Variants in ATP6V1B1 observed in about 807,000 individuals in gnomAD.
ATP6V1B1 encodes ATPase H+ transporting V1 subunit B1.
ATP6V1B1 carries 41 observed loss-of-function variants against 62.1 expected under a neutral mutation model. That is an observed-to-expected ratio of 0.66 (90% CI 0.51 to 0.86). The LOEUF (loss-of-function observed/expected upper bound fraction) is 0.86. Ranked by LOEUF, ATP6V1B1 falls within the 40% of genes least tolerant of loss-of-function variation. The pLI, the probability that ATP6V1B1 is intolerant of heterozygous loss-of-function variation, is 0.00. For synonymous variants in ATP6V1B1, 253 were observed against 273.4 expected, an observed-to-expected ratio of 0.93 and a Z score of 0.74; for missense variants, 651 against 697.5, an observed-to-expected ratio of 0.93 and a Z score of 0.75.
At position 70,945,699 on chromosome 2, in the gene ATP6V1B1, GAGATATATATAT is replaced by G. The variant is rs1267084378; in HGVS notation, c.174+1988_174+1999del. On this transcript the variant is annotated intron_variant, in intron 2 of 13. Transcript: ENST00000234396. ...AGTATCCTCTTTCTGGCTATTTGAA[GAGATATATATAT>G]ATATATATATATATATATATATATA... 7.3e-3 allele frequency among the ~76,000 whole-genome samples: 515 copies of G among 70,110 alleles called. 23 individuals carry two copies. In the East Asian group the frequency reaches 0.078, roughly 11 times the overall value. 46.0% of individuals were successfully genotyped at this position (70,110 alleles called of 152,430 possible). A position where few individuals can be genotyped will look rare whatever the true frequency, so the allele number is the denominator to read the frequency against.
At chr2:70,936,449 A>G in intron 1 of ATP6V1B1, among the ~76,000 whole-genome samples, 1 of 152,016 alleles carries the variant, frequency 6.6e-6, no homozygotes, top group East Asian at 1.9e-4. Context: ...AAGCACTCAG[A>G]GTCAGGCGGG....
chr2:70,936,441 GCACT>G (rs1553415408), intron 1 of ATP6V1B1, among the ~76,000 whole-genome samples: 3 of 152,114 alleles, frequency 2.0e-5, no homozygotes, highest in East Asian at 1.9e-4. Flanking sequence ...GTGCACCCAA[GCACT>G]CAGAGTCAGG....
chr2:70,965,101 G>T lies in ATP6V1B1; in HGVS notation c.1522G>T (p.Ala508Ser). 6.2e-7 allele frequency: 1 copy of T among 1,611,584 alleles called. No individual in the cohort carries two copies. ...CCGCGAGGGGGCGCTGCAGGACCTCGCGCCTGACACTGCGCTCTAGCCCCG... is the reference window on the plus strand; with the variant it reads ...CCGCGAGGGGGCGCTGCAGGACCTCTCGCCTGACACTGCGCTCTAGCCCCG... ...YSREGALQDLAPDTAL is the reference protein window; with the variant it reads ...YSREGALQDLSPDTAL The change falls in exon 14 of 14, where the codon GCG (alanine) becomes TCG (serine). Residue 508 changes from alanine to serine, a missense_variant. By Grantham distance (99) the Ala-to-Ser change is moderately conservative. Coordinates refer to ENST00000234396, the MANE Select transcript of ATP6V1B1 (RefSeq NM_001692.4).
chr2:70,961,736 C>T (rs1291551442), intron 8 of ATP6V1B1, 43 bp downstream of exon 8: 2 of 1,575,094 alleles, frequency 1.3e-6, no homozygotes, highest in Non-Finnish European at 1.7e-6. Context: ...GGTGGGCAGA[C>T]CCCGTCCCCT....
At position 70,963,051 on chromosome 2, in the gene ATP6V1B1, C is replaced by A; in HGVS notation, c.910-111C>A. The A allele has an allele frequency of 6.3e-7, 1 of 1,599,166 alleles. No individual in the cohort carries two copies. Among genetic ancestry groups the A allele is most frequent in the Middle Eastern group, 1.7e-4 (1 of 6,028 alleles). On this transcript the variant is annotated intron_variant, in intron 9 of 13. Transcript: ENST00000234396. This position sits in a 1 kb window ranked among gnomAD's most constrained non-coding sequence, Gnocchi z 4.3. ...AGGGCTTGGTCTCAGCCTGGCCATT[C>A]CTCCCCTGCCCCCCACTCCATTTCT...
At chr2:70,956,770 T>C (rs1680443570) in intron 2 of ATP6V1B1, among the ~76,000 whole-genome samples, 1 of 152,022 alleles carries the variant, frequency 6.6e-6, no homozygotes, top group African/African-American at 2.4e-5. Context: ...TTTGTATTTT[T>C]GTAGAGACAG....
chr2:70,945,699 GAGATATATATATATAT>G (rs1322475157), intron 2 of ATP6V1B1, among the ~76,000 whole-genome samples: 1,909 of 70,110 alleles, frequency 0.027, 106 homozygotes, highest in African/African-American at 0.084. Context: ...GCTATTTGAA[GAGATATATATATATAT>G]ATATATATAT....
chr2:70,958,286 C>G (rs1553419414), intron 3 of ATP6V1B1, 47 bp from the exon 4 acceptor site: 1 of 1,606,230 alleles, frequency 6.2e-7, no homozygotes, highest in South Asian at 1.1e-5. Context: ...TAGCCCCATT[C>G]CCTCCAGCAG....
chr2:70,946,458 G>A (rs1680177017), intron 2 of ATP6V1B1, among the ~76,000 whole-genome samples: 1 of 152,152 alleles, frequency 6.6e-6, no homozygotes. Context: ...AAATTCTTGG[G>A]CTCCACCTCA....
chr2:70,963,383 G>A lies in ATP6V1B1; in HGVS notation c.1060+71G>A. ...CCTTTTCCAACCAGATACTTAAAGG[G>A]CCCACGTTGCTTTGCACAGATGTGC... On this transcript the variant is annotated intron_variant, in intron 10 of 13. Transcript: ENST00000234396. This position sits in a 1 kb window ranked among gnomAD's most constrained non-coding sequence, Gnocchi z 4.3. 6.2e-7 allele frequency: 1 copy of A among 1,608,796 alleles called. No homozygotes were observed. The highest frequency in any genetic ancestry group is 8.5e-7 in the Non-Finnish European group (1 of 1,176,758).
chr2:70,958,891 C>A, intron 4 of ATP6V1B1, 127 bp from the exon 5 acceptor site: 1 of 887,904 alleles, frequency 1.1e-6, no homozygotes, highest in Non-Finnish European at 1.8e-6. Context: ...TGTGGGCTGC[C>A]GGGGAGGGGG....
Position 70,960,953 on chromosome 2 carries a change from G to A in ATP6V1B1, c.618G>A (p.Leu206=). The A allele has an allele frequency of 1.9e-6, 3 of 1,609,550 alleles. No homozygotes were observed. Among genetic ancestry groups the A allele is most frequent in the Non-Finnish European group, 2.5e-6 (3 of 1,177,948 alleles). Residue 206 remains leucine, a synonymous_variant, in exon 7 of 14, where the codon CTG becomes CTA. Coordinates refer to ENST00000234396, the MANE Select transcript of ATP6V1B1 (RefSeq NM_001692.4). ...CTCAGATCTGCCGCCAGGCGGGGCTGGTGAAGAAGTCCAAGGCTGTGCTGG... is the reference window on the plus strand; with the variant it reads ...CTCAGATCTGCCGCCAGGCGGGGCTAGTGAAGAAGTCCAAGGCTGTGCTGG... The part of the protein sequence containing the change: ...IAAQICRQAG[L]VKKSKAVLDY...
At chr2:70,955,098 T>C (rs1402556804) in intron 2 of ATP6V1B1, among the ~76,000 whole-genome samples, 14 of 152,156 alleles carry the variant, frequency 9.2e-5, no homozygotes, top group Non-Finnish European at 1.2e-4. Context: ...GGGGCAAAGC[T>C]CTACCTGCCC....
chr2:70,958,017 G>A, intron 2 of ATP6V1B1, 29 bp from the exon 3 acceptor site: 1 of 1,602,202 alleles, frequency 6.2e-7, no homozygotes, highest in Non-Finnish European at 8.5e-7. Context: ...CAGTCTCACT[G>A]TCACGTGGCT....
At chr2:70,954,167 T>A (rs758204840) in intron 2 of ATP6V1B1, among the ~76,000 whole-genome samples, 9 of 152,198 alleles carry the variant, frequency 5.9e-5, no homozygotes, top group Non-Finnish European at 1.2e-4. Flanking sequence ...GGGGTTTTAA[T>A]GCTGTTCTTT....
At chr2:70,958,799 C>A (rs899641097) in intron 4 of ATP6V1B1, among the ~76,000 whole-genome samples, 26 of 152,170 alleles carry the variant, frequency 1.7e-4, no homozygotes, top group Non-Finnish European at 3.4e-4. Context: ...GGTCCTGGGC[C>A]AAGGCCTTGC....
chr2:70,951,748 C>T (rs1553418325), intron 2 of ATP6V1B1, among the ~76,000 whole-genome samples: 1 of 151,546 alleles, frequency 6.6e-6, no homozygotes, highest in Non-Finnish European at 1.5e-5. Context: ...AAATACAAAA[C>T]ATTAGCTGGG....
Position 70,958,922 on chromosome 2 carries a change from G to A in ATP6V1B1, c.368-96G>A. 3 of 1,220,836 alleles carry A rather than the reference G, an allele frequency of 2.5e-6. No individual in the cohort carries two copies. In the Admixed American group the frequency reaches 5.8e-5, roughly 24 times the overall value. The allele number at this position is 1,220,836 out of a possible 1,614,324, so 75.6% of individuals were successfully genotyped here. A position where few individuals can be genotyped will look rare whatever the true frequency, so the allele number is the denominator to read the frequency against. On this transcript the variant is annotated intron_variant, in intron 4 of 13. Transcript: ENST00000234396. ...GGGGGATACAGGGCACTCCTGTGGGGAGTGGGTGGGAGCTGGTGGTGGTGT... is the reference window on the plus strand; with the variant it reads ...GGGGGATACAGGGCACTCCTGTGGGAAGTGGGTGGGAGCTGGTGGTGGTGT...
At chr2:70,951,162 C>A (rs901152804) in intron 2 of ATP6V1B1, among the ~76,000 whole-genome samples, 6 of 151,884 alleles carry the variant, frequency 4.0e-5, no homozygotes, top group African/African-American at 1.5e-4. Context: ...AGGCTGGTCT[C>A]GAACTTCTGA....
Sources: allele counts gnomAD v4.1 joint callset (sites outside exome capture counted in the v4.1 genomes callset), GRCh38; gene constraint gnomAD v4.1.1; non-coding constraint Gnocchi (gnomAD v3.1); transcripts MANE v1.5; gene names NCBI Gene and HGNC (gene_info 2026-07-23, HGNC 2026-07-21).